MSI2: variants seen among roughly 807,000 people sequenced by gnomAD.
MSI2 encodes RNA-binding protein Musashi homolog 2.
Under a neutral mutation model 45.6 loss-of-function variants are expected in MSI2, and 17 were observed. The observed-to-expected ratio is 0.37, with a 90% CI of 0.26 to 0.56. MSI2 has a LOEUF of 0.56. MSI2 is among the 20% of genes least tolerant of loss of function. MSI2 has a pLI of 0.77. For synonymous variants in MSI2, 156 were observed against 158.2 expected (o/e 0.99, Z 0.11); for missense variants, 293 against 444.2 (o/e 0.66, Z 3.06).
intron 7 of MSI2, among the ~76,000 whole-genome samples, chr17:57,558,914 A>G (rs2087505968): frequency 1.3e-5 from 2 of 152,094 alleles, no homozygotes; most frequent in East Asian, 3.9e-4. Flanking sequence ...TACAAAAAAA[A>G]CAGCGAGGTG....
At chr17:57,372,100 A>G (rs964971863) in intron 5 of MSI2, among the ~76,000 whole-genome samples, 7 of 152,166 alleles carry the variant, frequency 4.6e-5, no homozygotes, top group Admixed American at 2.0e-4. Flanking sequence ...TGATGTGTTT[A>G]TGGTAAACAT....
intron 5 of MSI2, among the ~76,000 whole-genome samples, chr17:57,301,869 C>T (rs1911449100): frequency 6.6e-6 from 1 of 151,872 alleles, no homozygotes; most frequent in African/African-American, 2.4e-5. Context: ...AGTGGAATTG[C>T]TGAGTCTTAG....
chr17:57,664,600 C>T (rs528975460), intron 11 of MSI2, among the ~76,000 whole-genome samples: 4 of 152,052 alleles, frequency 2.6e-5, no homozygotes, highest in Non-Finnish European at 5.9e-5. Flanking sequence ...TAGGAAACTT[C>T]GTGGGAATTT....
At chr17:57,527,238 T>A (rs1042601255) in intron 6 of MSI2, among the ~76,000 whole-genome samples, 12 of 139,790 alleles carry the variant, frequency 8.6e-5, no homozygotes, top group Non-Finnish European at 1.7e-4. Context: ...CACATTTACC[T>A]GCGTGATACC....
rs906577191 is a variant in MSI2, at chr17:57,681,025, G to A, written c.*1508G>A. 8.1e-5 allele frequency: 15 copies of A among 185,150 alleles called. No homozygotes were observed. Among genetic ancestry groups the A allele is most frequent in the Non-Finnish European group, 1.5e-4 (13 of 87,520 alleles). 11.5% of individuals were successfully genotyped at this position (185,150 alleles called of 1,614,324 possible). On this transcript the variant is annotated 3_prime_UTR_variant, in exon 14 of 14. Transcript: ENST00000284073. ...TATATATATTTTTTTTAATACCTCA[G>A]TGCTGCAAGTATCACCAGAGAGGCT...
At chr17:57,362,689 G>A (rs1273013917) in intron 5 of MSI2, among the ~76,000 whole-genome samples, 1 of 152,030 alleles carries the variant, frequency 6.6e-6, no homozygotes, top group African/African-American at 2.4e-5. Flanking sequence ...TGTGAGCTGT[G>A]CCTTCCCCCC....
chr17:57,645,884 C>T (rs1023607203), intron 10 of MSI2, among the ~76,000 whole-genome samples: 3 of 152,298 alleles, frequency 2.0e-5, no homozygotes, highest in South Asian at 2.1e-4. Context: ...CAGAGCAGGG[C>T]ACTCCCATTT....
At chr17:57,601,348 AT>A (rs1450092491) in intron 8 of MSI2, 4 of 152,266 alleles carry the variant, frequency 2.6e-5, no homozygotes, top group Non-Finnish European at 5.9e-5. Context: ...CAAAATGCAA[AT>A]GTGGCTCTTT....
intron 5 of MSI2, among the ~76,000 whole-genome samples, chr17:57,296,179 G>T (rs1445924976): frequency 1.3e-5 from 2 of 151,788 alleles, no homozygotes; most frequent in Non-Finnish European, 2.9e-5. Context: ...GTTGCCCTGA[G>T]ATTATTAATA....
intron 6 of MSI2, among the ~76,000 whole-genome samples, chr17:57,414,135 A>ATTTTGG (rs2084249128): frequency 1.3e-5 from 2 of 149,916 alleles, no homozygotes; most frequent in African/African-American, 5.1e-5. Flanking sequence ...AGCTGAGAGA[A>ATTTTGG]TCCATAATGG....
In MSI2 at chr17:57,258,316, GTAT is replaced by G. The variant is rs752982551; in HGVS notation, c.235_237del (p.Leu79del). Reference sequence around the variant, plus strand: ...CGCAGACCCAGCAAGTGTAGATAAAGTATTAGGTCAGCCCCACCATGAGTTAGA... The same window carrying G: ...CGCAGACCCAGCAAGTGTAGATAAAGTAGGTCAGCCCCACCATGAGTTAGA... On this transcript the variant is annotated inframe_deletion, in exon 4 of 14. Coordinates refer to ENST00000284073, the MANE Select transcript of MSI2 (RefSeq NM_138962.4). 6.2e-7 allele frequency: 1 copy of G among 1,614,098 alleles called. No individual in the cohort carries two copies. Among genetic ancestry groups the G allele is most frequent in the Non-Finnish European group, 8.5e-7 (1 of 1,180,036 alleles).
intron 5 of MSI2, among the ~76,000 whole-genome samples, chr17:57,351,677 G>A (rs1249283442): frequency 6.6e-6 from 1 of 152,156 alleles, no homozygotes; most frequent in African/African-American, 2.4e-5. Flanking sequence ...CCAACATGGC[G>A]AAACCTCATC....
At chr17:57,564,558 C>CT (rs1473505824) in intron 7 of MSI2, among the ~76,000 whole-genome samples, 5 of 152,124 alleles carry the variant, frequency 3.3e-5, no homozygotes, top group African/African-American at 9.7e-5. Context: ...GTATTGCAGT[C>CT]TGAGTCCTGG....
At chr17:57,478,433 G>GGATGCACTGCCAGATAT (rs1453296503) in intron 6 of MSI2, among the ~76,000 whole-genome samples, 5 of 152,190 alleles carry the variant, frequency 3.3e-5, no homozygotes, top group African/African-American at 1.2e-4. Context: ...AGAACTTGAA[G>GGATGCACTGCCAGATAT]CCTTTAGGAT....
chr17:57,629,036 A>G (rs1909095269), intron 10 of MSI2: 1 of 152,346 alleles, frequency 6.6e-6, no homozygotes, highest in Non-Finnish European at 1.5e-5. Context: ...CATTTGGACC[A>G]GGCGGTCTGG....
At chr17:57,521,034 A>G (rs996776600) in intron 6 of MSI2, among the ~76,000 whole-genome samples, 1 of 152,224 alleles carries the variant, frequency 6.6e-6, no homozygotes, top group Non-Finnish European at 1.5e-5. Context: ...AAATTAAAAT[A>G]AACAGGCTTT....
rs540361912 is a variant in MSI2 at position 57,605,286 on chromosome 17, G to C, written c.537+8336G>C. Among the ~76,000 whole-genome samples the C allele has an allele frequency of 3.9e-5, 6 of 152,332 alleles. No homozygotes were observed. The East Asian group carries it at 9.7e-4, about 25-fold the overall frequency. On this transcript the variant is annotated intron_variant, in intron 8 of 13. Coordinates refer to ENST00000284073, the MANE Select transcript of MSI2 (RefSeq NM_138962.4). Reference sequence around the variant, plus strand: ...TGAGAGCAGAGTGATTAGTGTGTTGGGGGAGGCCGGGTGGTTCGGTGGTAA... The same window carrying C: ...TGAGAGCAGAGTGATTAGTGTGTTGCGGGAGGCCGGGTGGTTCGGTGGTAA...
chr17:57,396,973 C>T (rs549160290), intron 5 of MSI2, among the ~76,000 whole-genome samples: 6 of 152,242 alleles, frequency 3.9e-5, no homozygotes, highest in South Asian at 4.2e-4. Flanking sequence ...AAATGTTATC[C>T]GCAACCTCTC....
intron 8 of MSI2, among the ~76,000 whole-genome samples, chr17:57,607,180 A>T (rs535851015): frequency 3.3e-5 from 5 of 152,366 alleles, no homozygotes; most frequent in African/African-American, 1.2e-4. Flanking sequence ...GTAATATATG[A>T]AAATTACAAG....
Sources: allele counts gnomAD v4.1 joint callset (sites outside exome capture counted in the v4.1 genomes callset), GRCh38; gene constraint gnomAD v4.1.1; transcripts MANE v1.5; gene names NCBI Gene and HGNC (gene_info 2026-07-23, HGNC 2026-07-21).